CSMD1: variants seen among roughly 807,000 people sequenced by gnomAD.
CSMD1 encodes CUB and sushi domain-containing protein 1.
A neutral mutation model predicts 417.5 loss-of-function variants in CSMD1; 213 were observed. The ratio of observed to expected loss-of-function variants is 0.51; its 90% CI spans 0.46 to 0.57. The LOEUF is 0.57. Ranked by LOEUF, CSMD1 falls within the 20% of genes least tolerant of loss-of-function variation. The pLI is 0.00. For synonymous variants in CSMD1, 2,862 were observed against 1,736.8 expected, an observed-to-expected ratio of 1.65 and a Z score of -16.11; for missense variants, 6,923 against 4,529.7, an observed-to-expected ratio of 1.53 and a Z score of -15.17.
At chr8:3,333,737 A>C (rs141492005) in intron 23 of CSMD1, among the ~76,000 whole-genome samples, 61 of 152,332 alleles carry the variant, frequency 4.0e-4, no homozygotes, top group African/African-American at 1.4e-3. Flanking sequence ...ATAATTTTTA[A>C]AACTACTCAC....
chr8:4,881,936 G>T (rs1424598441), intron 1 of CSMD1, among the ~76,000 whole-genome samples: 6 of 151,928 alleles, frequency 3.9e-5, no homozygotes, highest in African/African-American at 1.5e-4. Flanking sequence ...TTCTTGCAGG[G>T]AGAATCAGCT....
chr8:4,039,768 G>A (rs1011942077), intron 3 of CSMD1, among the ~76,000 whole-genome samples: 6 of 152,152 alleles, frequency 3.9e-5, no homozygotes, highest in African/African-American at 1.2e-4. Flanking sequence ...AAGTCGTTGT[G>A]GCAAGCATTT....
At chr8:4,285,027 A>C (rs1349704291) in intron 3 of CSMD1, among the ~76,000 whole-genome samples, 1 of 152,212 alleles carries the variant, frequency 6.6e-6, no homozygotes, top group Non-Finnish European at 1.5e-5. Context: ...AATGGTGTCC[A>C]CACCATAAAA....
At chr8:3,313,431 C>G (rs538903685) in intron 23 of CSMD1, among the ~76,000 whole-genome samples, 423 of 152,226 alleles carry the variant, frequency 2.8e-3, no homozygotes, top group Non-Finnish European at 4.7e-3. Context: ...AAAAAACAAC[C>G]CCATCAAAAA....
intron 2 of CSMD1, among the ~76,000 whole-genome samples, chr8:4,636,624 T>C (rs917234410): frequency 6.6e-6 from 1 of 152,242 alleles, no homozygotes; most frequent in African/African-American, 2.4e-5. Context: ...ATAATTTTAT[T>C]TAAATTACCT....
chr8:4,563,388 G>A (rs914012627), intron 2 of CSMD1, among the ~76,000 whole-genome samples: 7 of 152,128 alleles, frequency 4.6e-5, no homozygotes, highest in South Asian at 2.1e-4. Context: ...GTAACAGAGC[G>A]ACACTCTGTC....
Position 3,396,195 on chromosome 8 carries a change from C to G in CSMD1, c.2592G>C (p.Glu864Asp). Residue 864 changes from glutamate to aspartate, a missense_variant and splice_region_variant, in exon 17 of 70, where the codon GAG becomes GAC. Physicochemically the swap from Glu to Asp is conservative, Grantham distance 45. Transcript: ENST00000635120. The part of the protein sequence containing the change: ...RSSIGFLIHY[E>D]SVTLESDSCL... The stretch of plus-strand genomic sequence containing the variant: ...CTGTCAAGGGAAGGTGCAACTCACT[C>G]TCATAGTGGATGAGGAAGCCGATGC... 1.9e-6 allele frequency: 3 copies of G among 1,557,906 alleles called. No homozygotes were observed. Among genetic ancestry groups the G allele is most frequent in the South Asian group, 1.2e-5 (1 of 84,410 alleles).
intron 2 of CSMD1, among the ~76,000 whole-genome samples, chr8:4,471,741 G>T (rs574302761): frequency 8.8e-6 from 1 of 114,242 alleles, no homozygotes; most frequent in African/African-American, 2.6e-5. Flanking sequence ...GCGGAGAAAA[G>T]AAGTTAGACC....
chr8:3,448,189 A>T (rs1293317846), intron 12 of CSMD1, among the ~76,000 whole-genome samples: 1 of 150,156 alleles, frequency 6.7e-6, no homozygotes, highest in Non-Finnish European at 1.5e-5. Context: ...AGACAGAACA[A>T]ATAAAAAGCC....
At chr8:3,935,902 G>C (rs1021289247) in intron 5 of CSMD1, among the ~76,000 whole-genome samples, 1 of 152,188 alleles carries the variant, frequency 6.6e-6, no homozygotes. Context: ...AGATGAGACA[G>C]GCTGAAAACT....
chr8:4,975,446 G>A (rs1385184008), intron 1 of CSMD1, among the ~76,000 whole-genome samples: 2 of 152,150 alleles, frequency 1.3e-5, no homozygotes, highest in Non-Finnish European at 2.9e-5. Flanking sequence ...TTCTAAGTAT[G>A]TATTCATCAA....
At chr8:4,206,012 A>T (rs975323300) in intron 3 of CSMD1, among the ~76,000 whole-genome samples, 6 of 152,104 alleles carry the variant, frequency 3.9e-5, no homozygotes, top group African/African-American at 1.4e-4. Context: ...CTTTCTTCAG[A>T]AACTACATAG....
At chr8:3,818,028 C>T (rs1000065703) in intron 5 of CSMD1, among the ~76,000 whole-genome samples, 2 of 152,178 alleles carry the variant, frequency 1.3e-5, no homozygotes, top group South Asian at 4.1e-4. Context: ...CCTTCCAACC[C>T]CAAACCACGA....
At chr8:4,318,909 T>A (rs1002156428) in intron 3 of CSMD1, among the ~76,000 whole-genome samples, 2 of 152,170 alleles carry the variant, frequency 1.3e-5, no homozygotes, top group East Asian at 3.9e-4. Flanking sequence ...GAAACTTTAG[T>A]CAGAAGTGGG....
chr8:4,884,565 G>C (rs1388893055), intron 1 of CSMD1, among the ~76,000 whole-genome samples: 1 of 151,620 alleles, frequency 6.6e-6, no homozygotes, highest in Non-Finnish European at 1.5e-5. Context: ...AGATGGATTG[G>C]GCTTCGACTT....
chr8:4,489,449 A>T (rs1346942147), intron 2 of CSMD1, among the ~76,000 whole-genome samples: 1 of 152,214 alleles, frequency 6.6e-6, no homozygotes, highest in Admixed American at 6.5e-5. Context: ...ATGTTCAAAA[A>T]CTATAAAATG....
chr8:4,409,233 C>A (rs1367080173), intron 3 of CSMD1, among the ~76,000 whole-genome samples: 1 of 152,134 alleles, frequency 6.6e-6, no homozygotes, highest in Non-Finnish European at 1.5e-5. Context: ...AATTCGAATG[C>A]ATTTTTACCT....
intron 5 of CSMD1, among the ~76,000 whole-genome samples, chr8:3,793,232 T>C (rs987595299): frequency 6.6e-6 from 1 of 152,214 alleles, no homozygotes; most frequent in Non-Finnish European, 1.5e-5. Context: ...TAAGTCCTGT[T>C]CCAGACCTTA....
intron 18 of CSMD1, among the ~76,000 whole-genome samples, chr8:3,378,148 T>C (rs926953053): frequency 1.3e-5 from 2 of 152,198 alleles, no homozygotes; most frequent in Non-Finnish European, 2.9e-5. Flanking sequence ...ATAAGTTTTA[T>C]TTTCTAGGTC....
Sources: gnomAD v4.1 joint callset for allele counts (sites outside exome capture counted in the v4.1 genomes callset) on GRCh38, gnomAD v4.1.1 for gene constraint, MANE v1.5 for transcripts, NCBI Gene and HGNC (gene_info 2026-07-23, HGNC 2026-07-21) for gene names.